The following PRDM4 variants were observed in gnomAD, a reference collection of about 807,000 sequenced individuals.
PRDM4 encodes the protein PR domain zinc finger protein 4.
A neutral mutation model predicts 62.3 loss-of-function variants in PRDM4; 38 were observed. The ratio of observed to expected loss-of-function variants is 0.61; its 90% CI spans 0.47 to 0.80. The LOEUF is 0.80. Ranked by LOEUF, PRDM4 falls within the 30% of genes least tolerant of loss-of-function variation. PRDM4 has a pLI of 0.00. For missense variants in PRDM4, 858 were observed against 997.1 expected, an observed-to-expected ratio of 0.86 and a Z score of 1.88; for synonymous variants, 339 against 348.2, an observed-to-expected ratio of 0.97 and a Z score of 0.30.
chr12:107,756,730 C>A (rs1891076628), intron 3 of PRDM4, 102 bp downstream of exon 3: 2 of 1,393,020 alleles, frequency 1.4e-6, no homozygotes, highest in African/African-American at 2.9e-5. Context: ...CTTCTCCCTT[C>A]TACCTTCTAC....
At chr12:107,746,883 C>T (rs1890725284) in intron 5 of PRDM4, among the ~76,000 whole-genome samples, 1 of 152,188 alleles carries the variant, frequency 6.6e-6, no homozygotes, top group Non-Finnish European at 1.5e-5. Flanking sequence ...CTTACACTAA[C>T]ATATATACCT....
At chr12:107,759,328 T>C (rs1318996722) in intron 2 of PRDM4, among the ~76,000 whole-genome samples, 1 of 152,218 alleles carries the variant, frequency 6.6e-6, no homozygotes, top group Non-Finnish European at 1.5e-5. Context: ...GTTGCTGGGC[T>C]TGAGTTGGTT....
At chr12:107,755,980 G>A (rs182264812) in intron 3 of PRDM4, among the ~76,000 whole-genome samples, 3 of 152,322 alleles carry the variant, frequency 2.0e-5, no homozygotes, top group African/African-American at 7.2e-5. Context: ...CAGCTACTCG[G>A]GATGCTGAGG....
intron 9 of PRDM4, among the ~76,000 whole-genome samples, chr12:107,741,695 C>G (rs901037434): frequency 6.6e-6 from 1 of 152,142 alleles, no homozygotes; most frequent in African/African-American, 2.4e-5. Flanking sequence ...TCCAGCCTGC[C>G]AGAGTGAGAC....
At chr12:107,757,765 T>G (rs1003368254) in intron 2 of PRDM4, among the ~76,000 whole-genome samples, 1 of 152,192 alleles carries the variant, frequency 6.6e-6, no homozygotes, top group Non-Finnish European at 1.5e-5. Context: ...ACAGACTATT[T>G]TTGGCAAGGT....
At chr12:107,736,861 T>G (rs1890349260) in intron 11 of PRDM4, 1 of 152,294 alleles carries the variant, frequency 6.6e-6, no homozygotes, top group South Asian at 2.1e-4. Context: ...GAGAATTACT[T>G]CAAGGTGTTT....
chr12:107,756,956 T>C lies in PRDM4; in HGVS notation c.21A>G (p.Glu7=), dbSNP rs754413585. The stretch of plus-strand genomic sequence containing the variant: ...CCATCCCCACTGGACTCAGGTTCAT[T>C]TCATTCATCCTAGAAAAGAGCACAC... MHHRMN[E]MNLSPVGMEQ... Residue 7 remains glutamate (E), a synonymous_variant, in exon 3 of 12, where the codon GAA becomes GAG. Transcript: ENST00000228437. The C allele has an allele frequency of 2.5e-6, 4 of 1,613,974 alleles. No individual in the cohort carries two copies. Among genetic ancestry groups the C allele is most frequent in the Non-Finnish European group, 3.4e-6 (4 of 1,180,026 alleles).
Position 107,760,546 on chromosome 12 carries a change from C to T in PRDM4, c.-31G>A. ...TGGGGCCAAATATCAGAGAAAGGAG[C>T]GCTCGGGTGGTGGGGAACAGGCATC... On this transcript the variant is annotated 5_prime_UTR_variant, in exon 2 of 12. Transcript: ENST00000228437. The T allele has an allele frequency of 1.2e-6, 2 of 1,612,248 alleles. No individual in the cohort carries two copies. Among genetic ancestry groups the T allele is most frequent in the Non-Finnish European group, 1.7e-6 (2 of 1,179,202 alleles).
At chr12:107,746,481 C>A (rs1458166806) in intron 5 of PRDM4, 57 bp from the exon 6 acceptor site, 1 of 1,414,852 alleles carries the variant, frequency 7.1e-7, no homozygotes, top group Non-Finnish European at 9.5e-7. Context: ...GGCTAAATTA[C>A]CACCACGGTT....
At chr12:107,744,724 A>T (rs1218005731) in intron 6 of PRDM4, 63 bp from the exon 7 acceptor site, 7 of 1,590,746 alleles carry the variant, frequency 4.4e-6, no homozygotes, top group African/African-American at 1.3e-5. Context: ...CAGAAGAAAG[A>T]GGTGCTTCAC....
intron 11 of PRDM4, among the ~76,000 whole-genome samples, chr12:107,735,691 G>A (rs777236788): frequency 3.3e-5 from 5 of 151,316 alleles, no homozygotes; most frequent in Non-Finnish European, 1.5e-5. Flanking sequence ...CAAGGTTTGA[G>A]TAACCCTGGC....
intron 3 of PRDM4, among the ~76,000 whole-genome samples, chr12:107,755,253 CGCT>C (rs1173410286): frequency 6.6e-6 from 1 of 151,802 alleles, no homozygotes; most frequent in Non-Finnish European, 1.5e-5. Context: ...TGCCACCATG[CGCT>C]GCTAATTTTT....
At chr12:107,738,806 C>G (rs572390609) in intron 11 of PRDM4, among the ~76,000 whole-genome samples, 1 of 151,924 alleles carries the variant, frequency 6.6e-6, no homozygotes, top group East Asian at 1.9e-4. Flanking sequence ...GTGAATATAA[C>G]TAACACTATT....
chr12:107,742,200 T>G, intron 9 of PRDM4, 21 bp downstream of exon 9: 1 of 1,606,062 alleles, frequency 6.2e-7, no homozygotes, highest in Non-Finnish European at 8.5e-7. Context: ...CCAGATTCAT[T>G]ATAAACACAT....
chr12:107,758,652 C>A (rs533955385), intron 2 of PRDM4, among the ~76,000 whole-genome samples: 1 of 152,090 alleles, frequency 6.6e-6, no homozygotes, highest in African/African-American at 2.4e-5. Flanking sequence ...AACTATATTG[C>A]CTTTTACACA....
At chr12:107,756,698 AC>A in intron 3 of PRDM4, 133 bp downstream of exon 3, 1 of 1,040,596 alleles carries the variant, frequency 9.6e-7, no homozygotes, top group Non-Finnish European at 1.4e-6. Flanking sequence ...CACATGTTGA[AC>A]CACCATTCAG....
At chr12:107,752,695 A>G (rs11836200) in intron 4 of PRDM4, among the ~76,000 whole-genome samples, 63,262 of 151,994 alleles carry the variant, frequency 0.42, 13,560 homozygotes, top group Middle Eastern at 0.51. Flanking sequence ...TTGGGAGGAT[A>G]TGGTGAAATG....
chr12:107,750,777 A>C (rs1890864095), intron 5 of PRDM4, among the ~76,000 whole-genome samples: 2 of 152,356 alleles, frequency 1.3e-5, no homozygotes, highest in South Asian at 2.1e-4. Context: ...GCATGTCACA[A>C]ACAGCTTTAC....
At position 107,753,542 on chromosome 12, in the gene PRDM4, G is replaced by A. The variant is rs148292621; in HGVS notation, c.331+382C>T. 6.2e-3 allele frequency among the ~76,000 whole-genome samples: 946 copies of A among 152,142 alleles called. 9 individuals are homozygous for A. Among genetic ancestry groups the A allele is most frequent in the African/African-American group, 0.021 (879 of 41,518 alleles). ...CCTTCCCTTATTTGCTAAATTTTCC[G>A]CAATAAGCATATAATACTCCTATAA... is the stretch of plus-strand genomic sequence containing the variant. On this transcript the variant is annotated intron_variant, in intron 4 of 11. Transcript: ENST00000228437.
Sources: gnomAD v4.1 joint callset for allele counts (sites outside exome capture counted in the v4.1 genomes callset) on GRCh38, gnomAD v4.1.1 for gene constraint, MANE v1.5 for transcripts, NCBI Gene and HGNC (gene_info 2026-07-23, HGNC 2026-07-21) for gene names.